NAALADL2: variants seen among roughly 807,000 people sequenced by gnomAD.
The protein encoded by NAALADL2 is N-acetylated alpha-linked acidic dipeptidase like 2, also known as inactive N-acetylated-alpha-linked acidic dipeptidase-like protein 2.
NAALADL2 carries 76 observed loss-of-function variants against 87.2 expected under a neutral mutation model. The ratio of observed to expected loss-of-function variants is 0.87; its 90% CI spans 0.72 to 1.05. The LOEUF (loss-of-function observed/expected upper bound fraction) is 1.05. Ranked by LOEUF, NAALADL2 falls within the 50% of genes least tolerant of loss-of-function variation. The pLI, the probability that NAALADL2 is intolerant of heterozygous loss-of-function variation, is 0.00. For missense variants in NAALADL2, 1,089 were observed against 945.8 expected (o/e 1.15, Z -1.99); for synonymous variants, 354 against 331.0 (o/e 1.07, Z -0.75).
chr3:174,774,920 T>C (rs1017581667), intron 3 of NAALADL2, among the ~76,000 whole-genome samples: 1 of 152,162 alleles, frequency 6.6e-6, no homozygotes, highest in African/African-American at 2.4e-5. Context: ...TTTTACATAC[T>C]TGGCTGTTGG....
At chr3:174,623,172 A>G (rs1326532653) in intron 2 of NAALADL2, among the ~76,000 whole-genome samples, 3 of 152,232 alleles carry the variant, frequency 2.0e-5, no homozygotes. Context: ...TTACTGGGAT[A>G]CACAATTTAC....
rs546588682 is a variant in NAALADL2, at chr3:174,464,160, T to C, written c.-184+23128T>C. The stretch of plus-strand genomic sequence containing the variant: ...TATTATTATTTTTAAATATTGGCCT[T>C]ATTTTCTTTGGTTTGGAAACTGATT... On this transcript the variant is annotated intron_variant, in intron 1 of 3. Transcript: ENST00000434257. Among the ~76,000 whole-genome samples, 3 of 152,262 alleles carry C rather than the reference T, an allele frequency of 2.0e-5. No individual in the cohort carries two copies. The South Asian group carries it at 6.2e-4, about 32-fold the overall frequency.
At chr3:174,987,594 A>AAAAAAAC (rs1746094855) in intron 1 of NAALADL2, among the ~76,000 whole-genome samples, 2 of 143,218 alleles carry the variant, frequency 1.4e-5, no homozygotes, top group Admixed American at 6.9e-5. Context: ...AAAAAAAAAA[A>AAAAAAAC]AAAACAATAC....
intron 11 of NAALADL2, among the ~76,000 whole-genome samples, chr3:175,697,809 T>A (rs1410535080): frequency 1.3e-4 from 18 of 137,412 alleles, no homozygotes; most frequent in African/African-American, 4.7e-4. Context: ...GTATATATAT[T>A]TATGTATGTA....
chr3:174,953,294 G>T (rs1275713964), intron 1 of NAALADL2, among the ~76,000 whole-genome samples: 1 of 18,460 alleles, frequency 5.4e-5, no homozygotes, highest in Non-Finnish European at 1.4e-4. Context: ...AATCTTTCTT[G>T]CCTCCCCTCC....
intron 1 of NAALADL2, among the ~76,000 whole-genome samples, chr3:175,057,513 A>T (rs1283341448): frequency 6.6e-6 from 1 of 152,084 alleles, no homozygotes; most frequent in Non-Finnish European, 1.5e-5. Context: ...AACTTCCTTC[A>T]CTACTCTTAC....
At chr3:174,654,219 A>G (rs1055057656) in intron 2 of NAALADL2, among the ~76,000 whole-genome samples, 4 of 152,152 alleles carry the variant, frequency 2.6e-5, no homozygotes, top group African/African-American at 9.7e-5. Flanking sequence ...TTGATAAATC[A>G]TAAAATTTTG....
intron 3 of NAALADL2, among the ~76,000 whole-genome samples, chr3:175,237,674 T>C (rs749665550): frequency 6.6e-6 from 1 of 152,194 alleles, no homozygotes; most frequent in Non-Finnish European, 1.5e-5. Flanking sequence ...CTTTTTCTTG[T>C]CAATAGAGGA....
intron 13 of NAALADL2, among the ~76,000 whole-genome samples, chr3:175,772,453 T>C (rs550565516): frequency 6.6e-6 from 1 of 152,246 alleles, no homozygotes; most frequent in Admixed American, 6.5e-5. Context: ...TGTTCCTGTT[T>C]TTGCTTTCTT....
At chr3:175,030,440 A>G (rs1752680465) in intron 1 of NAALADL2, among the ~76,000 whole-genome samples, 1 of 152,118 alleles carries the variant, frequency 6.6e-6, no homozygotes, top group Admixed American at 6.6e-5. Flanking sequence ...TCTGAAATAT[A>G]GGCACTTACT....
chr3:175,090,859 A>C (rs532388553), intron 1 of NAALADL2, among the ~76,000 whole-genome samples: 2 of 86,428 alleles, frequency 2.3e-5, no homozygotes, highest in South Asian at 2.8e-4. Flanking sequence ...TGAGCAACAA[A>C]TAATTATTTC....
At chr3:175,473,422 G>C (rs1725185735) in intron 9 of NAALADL2, among the ~76,000 whole-genome samples, 1 of 151,766 alleles carries the variant, frequency 6.6e-6, no homozygotes, top group Admixed American at 6.6e-5. Context: ...TCGTGTGTCT[G>C]TGTATGTATG....
intron 1 of NAALADL2, among the ~76,000 whole-genome samples, chr3:174,546,547 T>C (rs1252032241): frequency 6.6e-6 from 1 of 152,202 alleles, no homozygotes; most frequent in African/African-American, 2.4e-5. Flanking sequence ...ACATTTCTTA[T>C]TGATGGCTTC....
chr3:174,483,145 G>A (rs997268903), intron 1 of NAALADL2, among the ~76,000 whole-genome samples: 3 of 151,970 alleles, frequency 2.0e-5, no homozygotes, highest in African/African-American at 7.2e-5. Context: ...AGGGTAGAAG[G>A]TTAGTGGCAA....
intron 2 of NAALADL2, among the ~76,000 whole-genome samples, chr3:175,221,703 T>C (rs1743390990): frequency 6.6e-6 from 1 of 152,114 alleles, no homozygotes; most frequent in Non-Finnish European, 1.5e-5. Flanking sequence ...CTTCCAGTAG[T>C]AGATATTCAG....
At chr3:174,898,235 A>G (rs575954336) in intron 1 of NAALADL2, among the ~76,000 whole-genome samples, 8 of 151,580 alleles carry the variant, frequency 5.3e-5, no homozygotes, top group Non-Finnish European at 1.2e-4. Flanking sequence ...CAGAAAGACA[A>G]ATATCACATG....
Position 174,596,013 on chromosome 3 carries a change from AAAACAAAC to A in NAALADL2, c.-115+45396_-115+45403del, listed in dbSNP as rs200024864. On this transcript the variant is annotated intron_variant, in intron 2 of 3. Coordinates refer to the NAALADL2 transcript ENST00000434257. Reference sequence around the variant, plus strand: ...GGCACAAGAGCCAAATTCCATCTCAAAAACAAACAAACAAACAAACAAACAAAAATAAC... The same window carrying A: ...GGCACAAGAGCCAAATTCCATCTCAAAAACAAACAAACAAACAAAAATAAC... Among the ~76,000 whole-genome samples the A allele has an allele frequency of 5.3e-5, 8 of 152,110 alleles. No individual in the cohort carries two copies. In the South Asian group the frequency reaches 6.2e-4, roughly 12 times the overall value.
intron 1 of NAALADL2, among the ~76,000 whole-genome samples, chr3:174,964,492 AAG>A (rs1363597715): frequency 6.6e-6 from 1 of 152,144 alleles, no homozygotes; most frequent in African/African-American, 2.4e-5. Context: ...ATAAATAAAA[AAG>A]AGAGGAGAAC....
At chr3:174,899,649 G>A (rs190391779) in intron 1 of NAALADL2, among the ~76,000 whole-genome samples, 6 of 152,200 alleles carry the variant, frequency 3.9e-5, no homozygotes, top group East Asian at 3.9e-4. Context: ...CTGCATAACC[G>A]TGAGCCAATT....
Sources: gnomAD v4.1 joint callset for allele counts (sites outside exome capture counted in the v4.1 genomes callset) on GRCh38, gnomAD v4.1.1 for gene constraint, MANE v1.5 for transcripts, NCBI Gene and HGNC (gene_info 2026-07-23, HGNC 2026-07-21) for gene names.